ZC3H4: variants seen among roughly 807,000 people sequenced by gnomAD.
ZC3H4 encodes zinc finger CCCH domain-containing protein 4.
Under a neutral mutation model 108.3 loss-of-function variants are expected in ZC3H4, and 13 were observed. The observed-to-expected ratio is 0.12, with a 90% confidence interval of 0.08 to 0.19. The LOEUF (loss-of-function observed/expected upper bound fraction) is 0.19. Among genes scored for constraint, ZC3H4 ranks in the 10% least tolerant of loss-of-function variants. The pLI is 1.00. For missense variants in ZC3H4, 1,734 were observed against 1,838.8 expected (o/e 0.94, Z 1.04); for synonymous variants, 917 against 749.6 (o/e 1.22, Z -3.65).
At chr19:47,108,538 C>T (rs112837160) in intron 2 of ZC3H4, among the ~76,000 whole-genome samples, 2,850 of 152,176 alleles carry the variant, frequency 0.019, 97 homozygotes, top group African/African-American at 0.066. Context: ...GTGTAGGCAC[C>T]GTTAAATAAA....
intron 11 of ZC3H4, among the ~76,000 whole-genome samples, chr19:47,076,510 T>C (rs1250539716): frequency 6.6e-6 from 1 of 152,176 alleles, no homozygotes. Flanking sequence ...TGGAATGGGT[T>C]TCCTAGATCC....
At chr19:47,076,457 G>T (rs1355644167) in intron 11 of ZC3H4, among the ~76,000 whole-genome samples, 1 of 152,168 alleles carries the variant, frequency 6.6e-6, no homozygotes, top group African/African-American at 2.4e-5. Flanking sequence ...GGAGATGTGG[G>T]GTGGCATTTA....
intron 2 of ZC3H4, among the ~76,000 whole-genome samples, chr19:47,109,807 G>A (rs2058014882): frequency 6.6e-6 from 1 of 152,144 alleles, no homozygotes; most frequent in Non-Finnish European, 1.5e-5. Context: ...GTATGTCAGG[G>A]ATCAAAAGTG....
chr19:47,096,344 G>T (rs1223145128), intron 2 of ZC3H4, among the ~76,000 whole-genome samples: 1 of 152,248 alleles, frequency 6.6e-6, no homozygotes, highest in African/African-American at 2.4e-5. Flanking sequence ...ATGGGGCGGG[G>T]GTGCAGGCTG....
At chr19:47,099,188 G>A (rs1028590021) in intron 2 of ZC3H4, among the ~76,000 whole-genome samples, 3 of 152,052 alleles carry the variant, frequency 2.0e-5, no homozygotes, top group East Asian at 1.9e-4. Context: ...GGCCGGGCGC[G>A]GTGGCTCACG....
intron 11 of ZC3H4, among the ~76,000 whole-genome samples, chr19:47,079,157 G>A (rs1326459850): frequency 1.3e-5 from 2 of 150,686 alleles, no homozygotes; most frequent in Non-Finnish European, 3.0e-5. Flanking sequence ...AGCCTCTCGA[G>A]TAGCTGGGAT....
rs758358422 is a variant in ZC3H4 at position 47,105,816 on chromosome 19, T to C, written c.161+6608A>G. Among the ~76,000 whole-genome samples the C allele has an allele frequency of 1.5e-4, 23 of 152,158 alleles. 1 individual carries two copies. Among genetic ancestry groups the C allele is most frequent in the Non-Finnish European group, 2.9e-4 (20 of 68,026 alleles). On this transcript the variant is annotated intron_variant, in intron 2 of 14. Coordinates refer to ENST00000253048, the MANE Select transcript of ZC3H4 (RefSeq NM_015168.2). Reference sequence around the variant, plus strand: ...TTCTGCTTTTTCTCTCCTCTTCCATTTCCTTGGTTTTCCAATGCAAAAGAA... The same window carrying C: ...TTCTGCTTTTTCTCTCCTCTTCCATCTCCTTGGTTTTCCAATGCAAAAGAA...
rs760625975 is a variant in ZC3H4, at chr19:47,071,789, A to C, written c.2135T>G (p.Leu712Arg). 3 of 1,609,896 alleles carry C rather than the reference A, an allele frequency of 1.9e-6. No individual in the cohort carries two copies. Among genetic ancestry groups the C allele is most frequent in the Non-Finnish European group, 2.5e-6 (3 of 1,178,450 alleles). ...GGAGTCCCGCATACCTGCATCCCCC[A>C]GGAGTCCGGGCTCCATCTCCATGCC... is the stretch of plus-strand genomic sequence containing the variant. ...QEGMEMEPGL[L>R]GDAEDYGHYE... Residue 712 changes from leucine (L) to arginine (R), a missense_variant, in exon 13 of 15, where the codon CTG becomes CGG. Transcript: ENST00000253048.
chr19:47,084,441 T>TCCA lies in ZC3H4; in HGVS notation c.1119_1121dup (p.Gly374dup), dbSNP rs753006460. On this transcript the variant is annotated inframe_insertion, in exon 9 of 15. Transcript: ENST00000253048. Reference sequence around the variant, plus strand: ...TGTCATGGTCACGACTCCGGTAGCTTCCACCACCACCGTCCTGCAATGGAC... The same window carrying TCCA: ...TGTCATGGTCACGACTCCGGTAGCTTCCACCACCACCACCGTCCTGCAATGGAC... The TCCA allele has an allele frequency of 6.2e-7, 1 of 1,614,184 alleles. No individual in the cohort carries two copies. Among genetic ancestry groups the TCCA allele is most frequent in the Non-Finnish European group, 8.5e-7 (1 of 1,180,040 alleles).
chr19:47,101,925 T>G (rs942133037), intron 2 of ZC3H4, among the ~76,000 whole-genome samples: 1 of 151,266 alleles, frequency 6.6e-6, no homozygotes, highest in Non-Finnish European at 1.5e-5. Context: ...TCCCAGCTAC[T>G]TGGGAGACTG....
At chr19:47,108,176 G>C (rs1024038277) in intron 2 of ZC3H4, among the ~76,000 whole-genome samples, 5 of 152,146 alleles carry the variant, frequency 3.3e-5, no homozygotes, top group African/African-American at 1.2e-4. Flanking sequence ...CCAAGGCACA[G>C]GTTAAGCGCC....
rs770710483 is a variant in ZC3H4, at chr19:47,085,434, G to A, written c.871-20C>T. 7 of 1,546,170 alleles carry A rather than the reference G, an allele frequency of 4.5e-6. No homozygotes were observed. Among genetic ancestry groups the A allele is most frequent in the South Asian group, 3.7e-5 (3 of 80,938 alleles). ...TCCATACTGGAATGCGCAGAGGAGA[G>A]GGCAGGAGAGCGTCAGGTAGGGAAC... On this transcript the variant is annotated intron_variant, in intron 6 of 14. Coordinates refer to ENST00000253048, the MANE Select transcript of ZC3H4 (RefSeq NM_015168.2).
Position 47,071,964 on chromosome 19 carries a change from T to C in ZC3H4, c.1960A>G (p.Met654Val). The C allele has an allele frequency of 6.2e-7, 1 of 1,612,286 alleles. No homozygotes were observed. Among genetic ancestry groups the C allele is most frequent in the Non-Finnish European group, 8.5e-7 (1 of 1,179,222 alleles). Residue 654 changes from methionine to valine, a missense_variant, in exon 13 of 15, where the codon ATG becomes GTG. Around this residue, in one of 9 missense-constraint regions of ZC3H4, gnomAD observed 540 missense variants for 484.1 expected, o/e 1.12. Transcript: ENST00000253048. ...GGGCCAGGATTCATGCCAGGGCCCA[T>C]CGGCATGTCTGCGTGCATGTCTGCG... ...MHADMHADMP[M>V]GPGMNPGPPM...
rs781391829 is a variant in ZC3H4, at chr19:47,067,633, C to T, written c.2635G>A (p.Gly879Arg). 2.6e-5 allele frequency: 42 copies of T among 1,604,648 alleles called. No individual in the cohort carries two copies. Among genetic ancestry groups the T allele is most frequent in the South Asian group, 1.2e-4 (11 of 90,486 alleles). ...RLTRHVEASG[G>R]SGPGDSGPSD... ...GGTCCCGAATCACCTGGGCCAGACC[C>T]GCCAGAAGCCTCCACATGGCGGGTG... Residue 879 changes from glycine (G) to arginine (R), a missense_variant, in exon 15 of 15, where the codon GGG becomes AGG. This residue lies in a region of ZC3H4 where 540 missense variants were observed against 484.1 expected (regional missense o/e 1.12). Transcript: ENST00000253048. This position sits in a 1 kb window ranked among gnomAD's most constrained non-coding sequence, Gnocchi z 6.4.
chr19:47,075,661 C>T (rs545809719), intron 11 of ZC3H4, among the ~76,000 whole-genome samples: 7 of 152,104 alleles, frequency 4.6e-5, no homozygotes, highest in African/African-American at 1.7e-4. Flanking sequence ...CATCAGCATC[C>T]GCCCAAGGAC....
intron 11 of ZC3H4, among the ~76,000 whole-genome samples, chr19:47,076,727 G>A (rs1335115248): frequency 6.6e-6 from 1 of 152,144 alleles, no homozygotes; most frequent in East Asian, 1.9e-4. Flanking sequence ...GGGCGCAGTG[G>A]CTCACACCTG....
At chr19:47,093,916 A>G in intron 4 of ZC3H4, 54 bp downstream of exon 4, 1 of 1,490,442 alleles carries the variant, frequency 6.7e-7, no homozygotes, top group Non-Finnish European at 9.3e-7. Flanking sequence ...AAGAAACACA[A>G]GCAGTTGAAC....
intron 5 of ZC3H4, among the ~76,000 whole-genome samples, chr19:47,087,253 G>A (rs2122908422): frequency 6.6e-6 from 1 of 150,888 alleles, no homozygotes; most frequent in African/African-American, 2.4e-5. Context: ...TCCAGCTTGG[G>A]CAACAGAGTG....
intron 2 of ZC3H4, among the ~76,000 whole-genome samples, chr19:47,111,476 G>C (rs1003407221): frequency 6.6e-6 from 1 of 152,160 alleles, no homozygotes; most frequent in African/African-American, 2.4e-5. Context: ...CCCGACAGAG[G>C]GGGGAACCCC....
Sources: gnomAD v4.1 joint callset for allele counts (sites outside exome capture counted in the v4.1 genomes callset) on GRCh38, gnomAD v4.1.1 for gene constraint, gnomAD v4.1.1 regional missense constraint, Gnocchi (gnomAD v3.1) non-coding constraint, MANE v1.5 for transcripts, NCBI Gene and HGNC (gene_info 2026-07-23, HGNC 2026-07-21) for gene names.